The following POSTN variants were observed in gnomAD, a reference collection of about 807,000 sequenced individuals.
POSTN encodes osteoblast specific factor 2 (fasciclin I-like).
Under a neutral mutation model 104.5 loss-of-function variants are expected in POSTN, and 71 were observed. The ratio of observed to expected loss-of-function variants is 0.68; its 90% CI spans 0.56 to 0.83. POSTN has a LOEUF of 0.83. Ranked by LOEUF, POSTN falls within the 40% of genes least tolerant of loss-of-function variation. The pLI, the probability that POSTN is intolerant of heterozygous loss-of-function variation, is 0.00. For synonymous variants in POSTN, 355 were observed against 340.7 expected, an observed-to-expected ratio of 1.04 and a Z score of -0.46; for missense variants, 949 against 1,006.8, an observed-to-expected ratio of 0.94 and a Z score of 0.78.
In POSTN at chr13:37,593,533, A is replaced by G. The variant is rs929639164; in HGVS notation, c.219-1369T>C. ...TCGTTTTGTAATTTTTAATTGATAA[A>G]TATCATGTCAAACAGATTATGACAA... On this transcript the variant is annotated intron_variant, in intron 2 of 22. Coordinates refer to ENST00000379747, the MANE Select transcript of POSTN (RefSeq NM_006475.3). Among the ~76,000 whole-genome samples the G allele has an allele frequency of 2.6e-5, 4 of 151,388 alleles. No homozygotes were observed. In the East Asian group the frequency reaches 7.8e-4, roughly 29 times the overall value.
chr13:37,571,087 A>G (rs1950249651), intron 18 of POSTN: 2 of 341,112 alleles, frequency 5.9e-6, no homozygotes, highest in South Asian at 5.8e-5. Flanking sequence ...CATTAATGTT[A>G]CAATTTTATT....
At chr13:37,567,604 A>T (rs976149369) in intron 21 of POSTN, among the ~76,000 whole-genome samples, 5 of 151,956 alleles carry the variant, frequency 3.3e-5, no homozygotes, top group South Asian at 2.1e-4. Context: ...AAAACTTTTA[A>T]TTTTTTTTGT....
chr13:37,594,508 G>A (rs192313087), intron 2 of POSTN, among the ~76,000 whole-genome samples: 37 of 99,518 alleles, frequency 3.7e-4, no homozygotes, highest in African/African-American at 1.1e-3. Flanking sequence ...CATATGGTCA[G>A]TAGGGCAAAA....
intron 1 of POSTN, 36 bp downstream of exon 1, chr13:37,598,572 A>C (rs1405198678): frequency 1.9e-6 from 3 of 1,585,516 alleles, no homozygotes; most frequent in Non-Finnish European, 2.6e-6. Flanking sequence ...CTGAGGAAAA[A>C]GAAAAATGGT....
chr13:37,595,801 T>C (rs546781431), intron 2 of POSTN, among the ~76,000 whole-genome samples: 1 of 151,382 alleles, frequency 6.6e-6, no homozygotes, highest in African/African-American at 2.4e-5. Context: ...AGTGATTCCA[T>C]ATTTAGTATC....
At chr13:37,593,345 C>A (rs925229379) in intron 2 of POSTN, among the ~76,000 whole-genome samples, 1 of 149,734 alleles carries the variant, frequency 6.7e-6, no homozygotes, top group African/African-American at 2.4e-5. Context: ...TATTTTTTCG[C>A]ATTTCATAGA....
chr13:37,592,010 A>G (rs1417755052), intron 3 of POSTN, 90 bp downstream of exon 3: 3 of 782,954 alleles, frequency 3.8e-6, no homozygotes, highest in Non-Finnish European at 6.6e-6. Context: ...GGTGCTGAAT[A>G]CACACATACA....
At position 37,570,727 on chromosome 13, in the gene POSTN, C is replaced by T. The variant is rs535047875; in HGVS notation, c.2180-58G>A. 5.6e-5 allele frequency: 58 copies of T among 1,030,882 alleles called. No homozygotes were observed. In the African/African-American group the frequency reaches 8.8e-4, roughly 16 times the overall value. The allele number at this position is 1,030,882 out of a possible 1,614,324, so 63.9% of individuals were successfully genotyped here. A position where few individuals can be genotyped will look rare whatever the true frequency, so the allele number is the denominator to read the frequency against. On this transcript the variant is annotated intron_variant, in intron 18 of 22. Coordinates refer to ENST00000379747, the MANE Select transcript of POSTN (RefSeq NM_006475.3). ...TACCCTCATATTGTGACTATACATC[C>T]ATAAGCTAGACATTGTAATGATTAA...
At chr13:37,576,017 G>C (rs1208120587) in intron 16 of POSTN, among the ~76,000 whole-genome samples, 2 of 152,038 alleles carry the variant, frequency 1.3e-5, no homozygotes, top group African/African-American at 2.4e-5. Flanking sequence ...TGGATGTTCA[G>C]CTGGTTGGTA....
Position 37,583,986 on chromosome 13 carries a change from A to C in POSTN, c.1226T>G (p.Val409Gly). Residue 409 changes from valine to glycine, a missense_variant, in exon 9 of 23, where the codon GTG becomes GGG. Coordinates refer to ENST00000379747, the MANE Select transcript of POSTN (RefSeq NM_006475.3). ...GCACATACCAGAAAATGCATTATTCACAGGTGCCAGCAAAGTGTATTCTCC... is the reference window on the plus strand; with the variant it reads ...GCACATACCAGAAAATGCATTATTCCCAGGTGCCAGCAAAGTGTATTCTCC... ...PDGEYTLLAP[V>G]NNAFSDDTLS... is the part of the protein sequence containing the mutation. 6.2e-7 allele frequency: 1 copy of C among 1,613,884 alleles called. No individual in the cohort carries two copies.
chr13:37,592,812 G>A (rs570344880), intron 2 of POSTN, among the ~76,000 whole-genome samples: 10 of 152,090 alleles, frequency 6.6e-5, no homozygotes, highest in Non-Finnish European at 1.2e-4. Context: ...TACTCACAGA[G>A]TAATTGTGAA....
At position 37,598,591 on chromosome 13, in the gene POSTN, C is replaced by G. The variant is rs1367854157; in HGVS notation, c.119+17G>C. The stretch of plus-strand genomic sequence containing the variant: ...GGAAAAAGAAAAATGGTTTATAAAA[C>G]CAAACCACTCACTTACCCTTGGTCC... On this transcript the variant is annotated intron_variant, in intron 1 of 22. Coordinates refer to ENST00000379747, the MANE Select transcript of POSTN (RefSeq NM_006475.3). 6.3e-7 allele frequency: 1 copy of G among 1,598,884 alleles called. No individual in the cohort carries two copies. The highest frequency in any genetic ancestry group is 8.5e-7 in the Non-Finnish European group (1 of 1,170,486).
chr13:37,579,920 A>G lies in POSTN; in HGVS notation c.1601T>C (p.Phe534Ser). 3 of 1,613,754 alleles carry G rather than the reference A, an allele frequency of 1.9e-6. No individual in the cohort carries two copies. Among genetic ancestry groups the G allele is most frequent in the Non-Finnish European group, 2.5e-6 (3 of 1,179,670 alleles). The change falls in exon 12 of 23, where the codon TTT (phenylalanine) becomes TCT (serine). Residue 534 changes from phenylalanine (F) to serine (S), a missense_variant. Phe to Ser is a radical substitution (Grantham distance 155). Coordinates refer to ENST00000379747, the MANE Select transcript of POSTN (RefSeq NM_006475.3). Reference protein sequence around the residue: ...LLTQPGDWTLFVPTNDAFKGM... With the variant: ...LLTQPGDWTLSVPTNDAFKGM... ...CTTAAAAGCATCATTGGTTGGCACA[A>G]ATAATGTCCAGTCTCCAGGTTGTGT... is the stretch of plus-strand genomic sequence containing the variant.
intron 21 of POSTN, 120 bp from the exon 22 acceptor site, chr13:37,564,680 A>G: frequency 2.0e-6 from 1 of 504,918 alleles, no homozygotes; most frequent in South Asian, 3.5e-5. Flanking sequence ...CACGAAGATT[A>G]TTTTTAGTAG....
chr13:37,592,040 C>A, intron 3 of POSTN, 60 bp downstream of exon 3: 1 of 1,212,760 alleles, frequency 8.2e-7, no homozygotes, highest in Admixed American at 1.7e-5. Context: ...TCTCCACAAG[C>A]CACCTCAACC....
At chr13:37,589,521 C>G (rs1289000799) in intron 4 of POSTN, among the ~76,000 whole-genome samples, 1 of 152,042 alleles carries the variant, frequency 6.6e-6, no homozygotes, top group East Asian at 1.9e-4. Context: ...ACAACAGTCC[C>G]TGGTGTGTGA....
At chr13:37,574,164 C>A (rs1435956106) in intron 17 of POSTN, among the ~76,000 whole-genome samples, 2 of 144,774 alleles carry the variant, frequency 1.4e-5, no homozygotes, top group Non-Finnish European at 3.1e-5. Flanking sequence ...AATGCCTATA[C>A]TTTTTTTTTT....
intron 10 of POSTN, among the ~76,000 whole-genome samples, 194 bp from the exon 11 acceptor site, chr13:37,580,891 T>A (rs538868045): frequency 2.6e-5 from 4 of 152,098 alleles, no homozygotes; most frequent in Non-Finnish European, 5.9e-5. Flanking sequence ...TCTAGCCGGG[T>A]TTTTTATTAA....
At chr13:37,576,481 A>G (rs533635685) in intron 16 of POSTN, among the ~76,000 whole-genome samples, 25 of 152,268 alleles carry the variant, frequency 1.6e-4, no homozygotes, top group African/African-American at 5.8e-4. Context: ...GTAATTTAGT[A>G]GGAGAAAATA....
Sources: gnomAD v4.1 joint callset for allele counts (sites outside exome capture counted in the v4.1 genomes callset) on GRCh38, gnomAD v4.1.1 for gene constraint, MANE v1.5 for transcripts, NCBI Gene and HGNC (gene_info 2026-07-23, HGNC 2026-07-21) for gene names.